DNMBP: variants seen among roughly 807,000 people sequenced by gnomAD.
DNMBP encodes dynamin binding protein.
In DNMBP, 87 loss-of-function variants were observed where a neutral mutation model predicts 150.0. The observed-to-expected ratio is 0.58, with a 90% CI of 0.49 to 0.69. DNMBP has a LOEUF of 0.69. Among genes scored for constraint, DNMBP ranks in the 30% least tolerant of loss-of-function variants. DNMBP has a pLI of 0.00. For missense variants in DNMBP, 1,774 were observed against 1,949.0 expected (o/e 0.91, Z 1.69); for synonymous variants, 711 against 750.4 (o/e 0.95, Z 0.86).
In DNMBP at chr10:99,974,337, T is replaced by C. The variant is rs137933583; in HGVS notation, c.-10-2203A>G. On this transcript the variant is annotated intron_variant, in intron 1 of 16. Coordinates refer to ENST00000324109, the MANE Select transcript of DNMBP (RefSeq NM_015221.4). ...ACGATGTGTCCATTACCTTGATGCA[T>C]GTGGCTGGGGAACCTACGTATGTAT... Among the ~76,000 whole-genome samples the C allele has an allele frequency of 1.8e-4, 28 of 152,262 alleles. No individual in the cohort carries two copies. In the East Asian group the frequency reaches 5.2e-3, roughly 28 times the overall value.
intron 1 of DNMBP, among the ~76,000 whole-genome samples, chr10:99,997,438 CCA>C (rs541618432): frequency 1.6e-4 from 25 of 152,202 alleles, no homozygotes; most frequent in Non-Finnish European, 2.9e-4. Flanking sequence ...TGGGGCCAGA[CCA>C]AACTACAAGG....
chr10:99,894,604 C>T (rs1421736968), intron 11 of DNMBP, among the ~76,000 whole-genome samples: 1 of 152,220 alleles, frequency 6.6e-6, no homozygotes, highest in African/African-American at 2.4e-5. Context: ...TTCCTGTTTA[C>T]AGCTTCCTAG....
chr10:99,886,895 C>T (rs2039476051), intron 12 of DNMBP, among the ~76,000 whole-genome samples: 1 of 152,110 alleles, frequency 6.6e-6, no homozygotes, highest in African/African-American at 2.4e-5. Flanking sequence ...ACTTGACCTC[C>T]TTGAGGTGAT....
intron 15 of DNMBP, among the ~76,000 whole-genome samples, chr10:99,882,592 C>T (rs779504412): frequency 3.3e-5 from 5 of 151,592 alleles, no homozygotes; most frequent in African/African-American, 1.2e-4. Flanking sequence ...TCAAAATTAT[C>T]GCACCGTACC....
chr10:99,983,394 T>C (rs2040798732), intron 1 of DNMBP, among the ~76,000 whole-genome samples: 1 of 152,074 alleles, frequency 6.6e-6, no homozygotes. Flanking sequence ...GAAAATGAAG[T>C]CTAAATCTGC....
chr10:99,929,643 C>T (rs889767786), intron 4 of DNMBP: 22 of 692,134 alleles, frequency 3.2e-5, no homozygotes, highest in East Asian at 1.6e-4. Flanking sequence ...GAACTCTGAG[C>T]GCCTCAGGGT....
chr10:100,009,369 C>T (rs2041108725), intron 1 of DNMBP, among the ~76,000 whole-genome samples: 1 of 152,272 alleles, frequency 6.6e-6, no homozygotes, highest in South Asian at 2.1e-4. Flanking sequence ...ACAGGTCTAA[C>T]CCTTGCTTCG....
rs192597309 is a variant in DNMBP at position 99,962,492 on chromosome 10, G to A, written c.269-5287C>T. ...TAAAATTACAAAACGTTAGCCGGGTGTGGTGGCGGGCGCCTGTAGTCCCAG... is the reference window on the plus strand; with the variant it reads ...TAAAATTACAAAACGTTAGCCGGGTATGGTGGCGGGCGCCTGTAGTCCCAG... On this transcript the variant is annotated intron_variant, in intron 3 of 16. Transcript: ENST00000324109. 8.9e-3 allele frequency among the ~76,000 whole-genome samples: 1,349 copies of A among 152,302 alleles called. 23 individuals carry two copies. The highest frequency in any genetic ancestry group is 0.031 in the African/African-American group (1,291 of 41,556).
intron 4 of DNMBP, among the ~76,000 whole-genome samples, chr10:99,942,433 C>G (rs547242191): frequency 5.3e-5 from 8 of 152,134 alleles, no homozygotes; most frequent in Non-Finnish European, 1.2e-4. Flanking sequence ...CTTATTACAT[C>G]TGGTAAAGTG....
intron 4 of DNMBP, chr10:99,930,917 G>T: frequency 1.9e-6 from 1 of 533,882 alleles, no homozygotes; most frequent in Non-Finnish European, 3.3e-6. Context: ...TAGTCGGAGC[G>T]CAGTGAGATG....
rs767623794 is a variant in DNMBP, at chr10:99,880,241, C to T, written c.4118G>A (p.Arg1373Lys). The change falls in exon 16 of 17, where the codon AGG becomes AAG. Residue 1373 changes from arginine (R) to lysine (K), a missense_variant. This residue lies in a region of DNMBP where 1,430 missense variants were observed against 1,492.5 expected (regional missense o/e 0.96). Coordinates refer to ENST00000324109, the MANE Select transcript of DNMBP (RefSeq NM_015221.4). ...GCTGCCGCTGTTCTGGCGTGGGAAC[C>T]TGGGGGAGGAGCTGCCGTGCTCAGA... The part of the protein sequence containing the change: ...TESEHGSSSP[R>K]FPRQNSGSTL... 7 of 1,614,086 alleles carry T rather than the reference C, an allele frequency of 4.3e-6. No homozygotes were observed. The highest frequency in any genetic ancestry group is 5.9e-6 in the Non-Finnish European group (7 of 1,180,016).
Position 99,884,168 on chromosome 10 carries a change from G to A in DNMBP, c.3840C>T (p.Leu1280=), listed in dbSNP as rs139354128. ...MLQSEELRAS[L]LARYPPEKLF... is the part of the protein sequence containing the mutation. ...GTTTTTCAGGGGGATACCTGGCCAG[G>A]AGGGAGGCCCGGAGTTCTTCTGACT... The change falls in exon 15 of 17, where the codon CTC becomes CTT. Residue 1280 remains leucine, a synonymous_variant. Coordinates refer to ENST00000324109, the MANE Select transcript of DNMBP (RefSeq NM_015221.4). 6.2e-7 allele frequency: 1 copy of A among 1,613,974 alleles called. No homozygotes were observed. Among genetic ancestry groups the A allele is most frequent in the Non-Finnish European group, 8.5e-7 (1 of 1,180,044 alleles).
At chr10:99,992,567 C>G (rs577284654) in intron 1 of DNMBP, among the ~76,000 whole-genome samples, 2,340 of 147,246 alleles carry the variant, frequency 0.016, 41 homozygotes, top group African/African-American at 0.036. Context: ...GGCTCTGTCA[C>G]CCAGGCTGGA....
chr10:99,900,537 G>C (rs1452774298), intron 6 of DNMBP, among the ~76,000 whole-genome samples: 2 of 152,152 alleles, frequency 1.3e-5, no homozygotes, highest in African/African-American at 4.8e-5. Flanking sequence ...CTCTGAAACA[G>C]AGCCTCCAGT....
chr10:99,901,394 CAT>C (rs1225240904), intron 6 of DNMBP, among the ~76,000 whole-genome samples: 2 of 152,176 alleles, frequency 1.3e-5, no homozygotes, highest in African/African-American at 2.4e-5. Context: ...CTGACAGAAA[CAT>C]GTGACTTCTG....
intron 3 of DNMBP, 69 bp downstream of exon 3, chr10:99,969,046 C>A: frequency 6.3e-7 from 1 of 1,587,370 alleles, no homozygotes; most frequent in Non-Finnish European, 8.6e-7. Flanking sequence ...CAAAAAGGAT[C>A]TGGTTGTCGA....
chr10:99,986,594 C>CAAAAAAAAAAAAAAAAAAAAAAAAA (rs747726572), intron 1 of DNMBP, among the ~76,000 whole-genome samples: 4 of 74,170 alleles, frequency 5.4e-5, no homozygotes, highest in African/African-American at 1.4e-4. Context: ...GACTCCGTCT[C>CAAAAAAAAAAAAAAAAAAAAAAAAA]AAAAAAAAAA....
At chr10:99,880,581 A>G (rs2039351795) in intron 15 of DNMBP, among the ~76,000 whole-genome samples, 1 of 152,322 alleles carries the variant, frequency 6.6e-6, no homozygotes, top group Admixed American at 6.5e-5. Context: ...GTGTGTAGGT[A>G]GAGATGAAGA....
Position 99,955,752 on chromosome 10 carries a change from T to G in DNMBP, c.1722A>C (p.Leu574Phe). The change falls in exon 4 of 17, where the codon TTA becomes TTC. Residue 574 changes from leucine to phenylalanine, a missense_variant. Leu to Phe is a conservative substitution (Grantham distance 22, BLOSUM62 0). Transcript: ENST00000324109. ...TAAAGTCCATGATTGAAAAGTGGCG[T>G]AAAATTTTATCTGGCTCTGTGCCGG... is the stretch of plus-strand genomic sequence containing the variant. ...AGPGTEPDKILRHFSIMDFNS... is the reference protein window; with the variant it reads ...AGPGTEPDKIFRHFSIMDFNS... The G allele has an allele frequency of 6.2e-7, 1 of 1,614,250 alleles. No homozygotes were observed. The highest frequency in any genetic ancestry group is 1.1e-5 in the South Asian group (1 of 91,088).
Sources: allele counts gnomAD v4.1 joint callset (sites outside exome capture counted in the v4.1 genomes callset), GRCh38; gene constraint gnomAD v4.1.1; regional missense constraint gnomAD v4.1.1; transcripts MANE v1.5; gene names NCBI Gene and HGNC (gene_info 2026-07-23, HGNC 2026-07-21).